RGL1: variants seen among roughly 807,000 people sequenced by gnomAD.
The protein encoded by RGL1 is ral guanine nucleotide dissociation stimulator like 1.
In RGL1, 24 loss-of-function variants were observed where a neutral mutation model predicts 95.2. The ratio of observed to expected loss-of-function variants is 0.25; its 90% CI spans 0.18 to 0.35. The LOEUF (loss-of-function observed/expected upper bound fraction) is 0.35. RGL1 is among the 10% of genes least tolerant of loss of function. RGL1 has a pLI of 1.00. For missense variants in RGL1, 715 were observed against 936.3 expected (o/e 0.76, Z 3.08); for synonymous variants, 329 against 344.9 (o/e 0.95, Z 0.51).
intron 1 of RGL1, among the ~76,000 whole-genome samples, chr1:183,670,833 G>A (rs1176168070): frequency 6.6e-6 from 1 of 152,168 alleles, no homozygotes; most frequent in Non-Finnish European, 1.5e-5. Context: ...TCCATCGTAT[G>A]GATATACTAC....
chr1:183,759,482 T>C (rs1658537315), intron 2 of RGL1, among the ~76,000 whole-genome samples: 1 of 152,230 alleles, frequency 6.6e-6, no homozygotes, highest in Admixed American at 6.5e-5. Flanking sequence ...AGGTATGCTC[T>C]CTGACTTTTG....
intron 1 of RGL1, among the ~76,000 whole-genome samples, chr1:183,660,865 C>T (rs1651567742): frequency 6.6e-6 from 1 of 152,150 alleles, no homozygotes; most frequent in South Asian, 2.1e-4. Context: ...GTCTCTCAGA[C>T]CACAGTGCAA....
At chr1:183,876,768 C>A (rs1473660293) in intron 4 of RGL1, among the ~76,000 whole-genome samples, 2 of 152,206 alleles carry the variant, frequency 1.3e-5, no homozygotes, top group Non-Finnish European at 2.9e-5. Context: ...CTTCTTCCAG[C>A]AGGCCTGAAG....
intron 1 of RGL1, among the ~76,000 whole-genome samples, chr1:183,678,785 G>A (rs1265888172): frequency 6.6e-6 from 1 of 152,180 alleles, no homozygotes; most frequent in Non-Finnish European, 1.5e-5. Flanking sequence ...GGTCTGGTTA[G>A]CTTCTTTGAA....
In RGL1 at chr1:183,724,730, C is replaced by T. The variant is rs1656211213; in HGVS notation, c.-32-17396C>T. 6.6e-6 allele frequency among the ~76,000 whole-genome samples: 1 copy of T among 152,082 alleles called. No homozygotes were observed. The highest frequency in any genetic ancestry group is 1.5e-5 in the Non-Finnish European group (1 of 68,018). ...ATGGTATCTCTGGACCTGCCTGGGGCCTGGGGGGAGCTTGCCATCCTTAAG... is the reference window on the plus strand; with the variant it reads ...ATGGTATCTCTGGACCTGCCTGGGGTCTGGGGGGAGCTTGCCATCCTTAAG... On this transcript the variant is annotated intron_variant, in intron 1 of 18. Coordinates refer to the RGL1 transcript ENST00000304685. The surrounding 1 kb of genome is among the most constrained non-coding windows in gnomAD (Gnocchi z 4.1).
chr1:183,664,339 A>G (rs924791146), intron 1 of RGL1, among the ~76,000 whole-genome samples: 3 of 152,040 alleles, frequency 2.0e-5, no homozygotes, highest in African/African-American at 7.2e-5. Context: ...AACTTAATTC[A>G]TTTTGTGTTC....
intron 2 of RGL1, among the ~76,000 whole-genome samples, chr1:183,774,424 A>G (rs930453901): frequency 1.3e-5 from 2 of 152,224 alleles, no homozygotes; most frequent in African/African-American, 4.8e-5. Context: ...CACCACAATC[A>G]CAATGACTGT....
chr1:183,692,817 T>A (rs540267634), intron 1 of RGL1, among the ~76,000 whole-genome samples: 46 of 152,192 alleles, frequency 3.0e-4, no homozygotes, highest in Non-Finnish European at 6.3e-4. Flanking sequence ...GTCATGGAAC[T>A]GTTCTGGATC....
intron 1 of RGL1, among the ~76,000 whole-genome samples, chr1:183,718,764 C>G (rs1260332619): frequency 6.6e-6 from 1 of 151,390 alleles, no homozygotes; most frequent in Non-Finnish European, 1.5e-5. Flanking sequence ...AAAAAAAAAA[C>G]TACCCGGGCA....
intron 3 of RGL1, among the ~76,000 whole-genome samples, chr1:183,857,188 T>G (rs961392579): frequency 6.6e-6 from 1 of 152,134 alleles, no homozygotes; most frequent in Non-Finnish European, 1.5e-5. Flanking sequence ...TGGGATCAGA[T>G]AGATGCTATG....
Position 183,786,293 on chromosome 1 carries a change from A to G in RGL1, c.133-20082A>G, listed in dbSNP as rs536151026. 3.9e-5 allele frequency among the ~76,000 whole-genome samples: 6 copies of G among 152,288 alleles called. 1 individual carries two copies. In the South Asian group the frequency reaches 1.2e-3, roughly 32 times the overall value. ...GGGATGTATGCCTGTAATTCTAGTT[A>G]TTCAGGAGACTGAGGTGGGAAGGTC... On this transcript the variant is annotated intron_variant, in intron 2 of 18. Coordinates refer to the RGL1 transcript ENST00000304685.
intron 1 of RGL1, among the ~76,000 whole-genome samples, chr1:183,677,558 T>C (rs1652909106): frequency 6.6e-6 from 1 of 152,198 alleles, no homozygotes; most frequent in African/African-American, 2.4e-5. Flanking sequence ...CCTAGGGAGC[T>C]GACATCCCTT....
chr1:183,892,856 T>G (rs1326189120), intron 9 of RGL1, among the ~76,000 whole-genome samples: 2 of 152,214 alleles, frequency 1.3e-5, no homozygotes, highest in Non-Finnish European at 2.9e-5. Context: ...AGAGGGGAAC[T>G]AGCATAGACC....
intron 2 of RGL1, among the ~76,000 whole-genome samples, chr1:183,774,574 CTTTTTTT>C (rs61380355): frequency 9.9e-6 from 1 of 100,928 alleles, no homozygotes; most frequent in Admixed American, 1.1e-4. Context: ...TTCTTTTTTC[CTTTTTTT>C]TTTTTTTTTT....
intron 3 of RGL1, among the ~76,000 whole-genome samples, chr1:183,854,541 A>G (rs1384632014): frequency 6.6e-6 from 1 of 152,124 alleles, no homozygotes. Flanking sequence ...TGTAGAGAGG[A>G]GTTGATCAGA....
At chr1:183,801,398 C>A (rs560382337), upstream of RGL1, among the ~76,000 whole-genome samples, 1 of 151,790 alleles carries the variant, frequency 6.6e-6, no homozygotes, top group East Asian at 1.9e-4. Flanking sequence ...GGGTATTAAC[C>A]CCTTATTAGA....
At chr1:183,660,850 A>T (rs1297408744) in intron 1 of RGL1, among the ~76,000 whole-genome samples, 1 of 152,216 alleles carries the variant, frequency 6.6e-6, no homozygotes, top group Non-Finnish European at 1.5e-5. Flanking sequence ...AAATTATAAC[A>T]AACTGTCTCT....
intron 11 of RGL1, among the ~76,000 whole-genome samples, chr1:183,901,885 G>A (rs919820437): frequency 5.9e-5 from 9 of 152,190 alleles, no homozygotes; most frequent in Admixed American, 2.0e-4. Context: ...GTTATCATAT[G>A]CAACCAGCCT....
At chr1:183,902,139 G>T (rs548917170) in intron 11 of RGL1, among the ~76,000 whole-genome samples, 4 of 152,338 alleles carry the variant, frequency 2.6e-5, no homozygotes, top group Admixed American at 2.0e-4. Flanking sequence ...AGGGGATGAA[G>T]AATTGAAACT....
Sources: allele counts gnomAD v4.1 joint callset (sites outside exome capture counted in the v4.1 genomes callset), GRCh38; gene constraint gnomAD v4.1.1; non-coding constraint Gnocchi (gnomAD v3.1); transcripts MANE v1.5; gene names NCBI Gene and HGNC (gene_info 2026-07-23, HGNC 2026-07-21).